GPR160: variants seen among roughly 807,000 people sequenced by gnomAD.
GPR160 encodes probable G protein-coupled receptor 160.
In GPR160, 2 loss-of-function variants were observed where a neutral mutation model predicts 2.6. The observed-to-expected ratio is 0.77, with a 90% confidence interval of 0.32 to 2.44. The LOEUF (loss-of-function observed/expected upper bound fraction) is 2.44, where lower values mean the gene tolerates loss of function less well. GPR160 is among the 30% of genes most tolerant of loss of function. The pLI is 0.11. For missense variants in GPR160, 351 were observed against 383.6 expected, an observed-to-expected ratio of 0.91 and a Z score of 0.71; for synonymous variants, 130 against 132.2, an observed-to-expected ratio of 0.98 and a Z score of 0.12.
intron 2 of GPR160, among the ~76,000 whole-genome samples, chr3:170,075,694 C>T (rs1041433560): frequency 6.6e-5 from 10 of 152,160 alleles, no homozygotes; most frequent in African/African-American, 2.4e-4. Flanking sequence ...CCTGGTAGAC[C>T]ATTAACTGTA....
chr3:170,069,559 C>G (rs1476303891), intron 2 of GPR160, among the ~76,000 whole-genome samples: 2 of 152,148 alleles, frequency 1.3e-5, no homozygotes, highest in African/African-American at 4.8e-5. Flanking sequence ...TTTCCAGCCT[C>G]TGAAATTTTG....
chr3:170,059,226 TA>T, intron 2 of GPR160, among the ~76,000 whole-genome samples: 1 of 152,266 alleles, frequency 6.6e-6, no homozygotes, highest in East Asian at 1.9e-4. Flanking sequence ...TTCAATTATA[TA>T]AAATTAAAAT....
intron 3 of GPR160, among the ~76,000 whole-genome samples, chr3:170,081,096 T>C (rs897342648): frequency 6.6e-6 from 1 of 152,216 alleles, no homozygotes; most frequent in Non-Finnish European, 1.5e-5. Flanking sequence ...AAGTTACATT[T>C]TTGAAAAATG....
intron 2 of GPR160, among the ~76,000 whole-genome samples, chr3:170,042,433 A>AG (rs1365556085): frequency 2.0e-5 from 3 of 150,978 alleles, no homozygotes; most frequent in South Asian, 2.1e-4. Flanking sequence ...AAAAAAAAAA[A>AG]AAAGAAAGAA....
At chr3:170,049,095 A>C (rs1716849894) in intron 2 of GPR160, among the ~76,000 whole-genome samples, 1 of 152,110 alleles carries the variant, frequency 6.6e-6, no homozygotes, top group South Asian at 2.1e-4. Context: ...TGTCTCCCTT[A>C]ACGTAAGACC....
rs1716300212 is a variant in GPR160, at chr3:170,038,612, C to G, written c.-321-303C>G. On this transcript the variant is annotated intron_variant, in intron 1 of 3. Coordinates refer to ENST00000355897, the MANE Select transcript of GPR160 (RefSeq NM_014373.3). The surrounding 1 kb of genome is among the most constrained non-coding windows in gnomAD (Gnocchi z 5.3). ...ATAGAAATGGGTGTATGCAACTCTT[C>G]GCTCTTTCCTGGCGCCCAGAGGTGA... 1 of 152,096 alleles carries G rather than the reference C, an allele frequency of 6.6e-6. No individual in the cohort carries two copies. The highest frequency in any genetic ancestry group is 6.5e-5 in the Admixed American group (1 of 15,280). The allele number at this position is 152,096 out of a possible 1,614,324, so 9.4% of individuals were successfully genotyped here.
At chr3:170,042,931 G>C (rs1716526553) in intron 2 of GPR160, among the ~76,000 whole-genome samples, 1 of 149,056 alleles carries the variant, frequency 6.7e-6, no homozygotes. Context: ...ACCCAGGCTG[G>C]AGTGCAATGG....
intron 3 of GPR160, among the ~76,000 whole-genome samples, chr3:170,082,494 G>GAA (rs991607630): frequency 3.9e-5 from 6 of 152,184 alleles, no homozygotes; most frequent in African/African-American, 1.2e-4. Flanking sequence ...ATGCTCAAAT[G>GAA]AAAGTGTGGG....
chr3:170,049,510 G>A (rs1304806882), intron 2 of GPR160, among the ~76,000 whole-genome samples: 1 of 152,218 alleles, frequency 6.6e-6, no homozygotes, highest in African/African-American at 2.4e-5. Context: ...AGGCATGAAC[G>A]TTTTAAACCC....
chr3:170,061,688 T>C (rs1051468420), intron 2 of GPR160, among the ~76,000 whole-genome samples: 1 of 152,160 alleles, frequency 6.6e-6, no homozygotes, highest in African/African-American at 2.4e-5. Flanking sequence ...CTTTGGTATA[T>C]TTCCATCTCA....
chr3:170,040,695 T>G (rs1433397334), intron 2 of GPR160, among the ~76,000 whole-genome samples: 1 of 152,238 alleles, frequency 6.6e-6, no homozygotes, highest in South Asian at 2.1e-4. Flanking sequence ...CGTGTCGGTA[T>G]GCACTTAGGA....
At chr3:170,039,506 C>T (rs1716354252) in intron 2 of GPR160, among the ~76,000 whole-genome samples, 1 of 152,094 alleles carries the variant, frequency 6.6e-6, no homozygotes, top group Admixed American at 6.5e-5. Context: ...GTCAGGGGTT[C>T]GAGACCAGCC....
rs765460244 is a variant in GPR160 at position 170,083,950 on chromosome 3, C to T, written c.-23C>T. The T allele has an allele frequency of 3.9e-5, 54 of 1,374,704 alleles. No individual in the cohort carries two copies. Among genetic ancestry groups the T allele is most frequent in the Non-Finnish European group, 4.6e-5 (48 of 1,038,700 alleles). The allele number at this position is 1,374,704 out of a possible 1,614,324, so 85.2% of individuals were successfully genotyped here. On this transcript the variant is annotated 5_prime_UTR_variant, in exon 4 of 4. Coordinates refer to ENST00000355897, the MANE Select transcript of GPR160 (RefSeq NM_014373.3). ...TTTTATCATGTGTATTTCAGCAGGTCTTCTTGAAATTTAACTAAAAATATG... is the reference window on the plus strand; with the variant it reads ...TTTTATCATGTGTATTTCAGCAGGTTTTCTTGAAATTTAACTAAAAATATG...
intron 2 of GPR160, chr3:170,062,240 T>TCCA (rs1711999013): frequency 5.5e-6 from 1 of 180,630 alleles, no homozygotes; most frequent in African/African-American, 2.4e-5. Context: ...GGTCCCCCTC[T>TCCA]CCAGGCAGGA....
chr3:170,084,018 C>G lies in GPR160; in HGVS notation c.46C>G (p.Arg16Gly), dbSNP rs140056427. 5 of 1,556,336 alleles carry G rather than the reference C, an allele frequency of 3.2e-6. No homozygotes were observed. Among genetic ancestry groups the G allele is most frequent in the African/African-American group, 1.4e-5 (1 of 72,262 alleles). ...GAACTGCTCTTTTCAGTACCAGTTA[C>G]GTCAAACAAACCAGCCCCTAGATGT... ...SENCSFQYQL[R>G]QTNQPLDVNY... The change falls in exon 4 of 4, where the codon CGT becomes GGT. Residue 16 changes from arginine to glycine, a missense_variant. Physicochemically the swap from Arg to Gly is moderately radical, Grantham distance 125 (BLOSUM62 -2). Coordinates refer to ENST00000355897, the MANE Select transcript of GPR160 (RefSeq NM_014373.3).
Position 170,039,030 on chromosome 3 carries a change from C to G in GPR160, c.-206C>G, listed in dbSNP as rs921605197. Reference sequence around the variant, plus strand: ...CCGCTCTCGCTTCGTCCTACACTTGCGCAAATGTCTCCGGTAAGGGGAAGT... The same window carrying G: ...CCGCTCTCGCTTCGTCCTACACTTGGGCAAATGTCTCCGGTAAGGGGAAGT... On this transcript the variant is annotated 5_prime_UTR_variant, in exon 2 of 4. Coordinates refer to ENST00000355897, the MANE Select transcript of GPR160 (RefSeq NM_014373.3). 6.6e-6 allele frequency: 1 copy of G among 151,978 alleles called. No individual in the cohort carries two copies. 9.4% of individuals were successfully genotyped at this position (151,978 alleles called of 1,614,324 possible). A position where few individuals can be genotyped will look rare whatever the true frequency, so the allele number is the denominator to read the frequency against.
At chr3:170,068,948 C>A (rs1305713235) in intron 2 of GPR160, among the ~76,000 whole-genome samples, 1 of 152,196 alleles carries the variant, frequency 6.6e-6, no homozygotes, top group African/African-American at 2.4e-5. Context: ...TTAGATATTT[C>A]TTCCTGGGCT....
At chr3:170,069,611 T>G (rs573569931) in intron 2 of GPR160, among the ~76,000 whole-genome samples, 1 of 152,124 alleles carries the variant, frequency 6.6e-6, no homozygotes, top group Non-Finnish European at 1.5e-5. Flanking sequence ...TATGAAAATT[T>G]TCAAACATAC....
Position 170,084,560 on chromosome 3 carries a change from T to C in GPR160, c.588T>C (p.Ala196=). Residue 196 remains alanine (A), a synonymous_variant, in exon 4 of 4, where the codon GCT becomes GCC. Transcript: ENST00000355897. ...TCATGGTGATGATTTTATTTGTAGC[T>C]TTCATAACCTGTTGGGAAGAAGTTA... ...SFFMVMILFV[A]FITCWEEVTT... is the part of the protein sequence containing the mutation. 2 of 1,612,562 alleles carry C rather than the reference T, an allele frequency of 1.2e-6. No individual in the cohort carries two copies. Among genetic ancestry groups the C allele is most frequent in the Admixed American group, 1.7e-5 (1 of 60,016 alleles).
Sources: gnomAD v4.1 joint callset for allele counts (sites outside exome capture counted in the v4.1 genomes callset) on GRCh38, gnomAD v4.1.1 for gene constraint, Gnocchi (gnomAD v3.1) non-coding constraint, MANE v1.5 for transcripts, NCBI Gene and HGNC (gene_info 2026-07-23, HGNC 2026-07-21) for gene names.